LRRTM4: variants seen among roughly 807,000 people sequenced by gnomAD.
The protein encoded by LRRTM4 is leucine-rich repeat transmembrane neuronal protein 4.
Under a neutral mutation model 47.6 loss-of-function variants are expected in LRRTM4, and 25 were observed. The ratio of observed to expected loss-of-function variants is 0.53; its 90% CI spans 0.38 to 0.73. LRRTM4 has a LOEUF of 0.73. LRRTM4 is among the 30% of genes least tolerant of loss of function. LRRTM4 has a pLI of 0.00. For missense variants in LRRTM4, 638 were observed against 713.4 expected, an observed-to-expected ratio of 0.89 and a Z score of 1.20; for synonymous variants, 311 against 269.5, an observed-to-expected ratio of 1.15 and a Z score of -1.51.
intron 3 of LRRTM4, among the ~76,000 whole-genome samples, chr2:76,987,206 T>C (rs1331816696): frequency 1.3e-5 from 2 of 151,928 alleles, no homozygotes; most frequent in East Asian, 1.9e-4. Context: ...GTATTGTTTC[T>C]TTTTATAACC....
intron 3 of LRRTM4, among the ~76,000 whole-genome samples, chr2:77,305,200 C>T (rs1677239766): frequency 6.6e-6 from 1 of 151,944 alleles, no homozygotes; most frequent in Non-Finnish European, 1.5e-5. Flanking sequence ...AACACCAAAA[C>T]ATCAATTATC....
rs1212630201 is a variant in LRRTM4 at position 76,884,127 on chromosome 2, T to C, written c.1552-135211A>G. ...AGCCAGGAAATGTGATTTTTAAAAGTGTCTTTGAATCCTATTGTTGAGCAT... is the reference window on the plus strand; with the variant it reads ...AGCCAGGAAATGTGATTTTTAAAAGCGTCTTTGAATCCTATTGTTGAGCAT... On this transcript the variant is annotated intron_variant, in intron 3 of 3. Transcript: ENST00000409884. Among the ~76,000 whole-genome samples, 4 of 152,132 alleles carry C rather than the reference T, an allele frequency of 2.6e-5. No homozygotes were observed. The East Asian group carries it at 7.7e-4, about 29-fold the overall frequency.
At chr2:76,803,886 A>G (rs550311794) in intron 3 of LRRTM4, among the ~76,000 whole-genome samples, 7 of 152,284 alleles carry the variant, frequency 4.6e-5, no homozygotes, top group East Asian at 1.9e-4. Flanking sequence ...TGAAATTTGA[A>G]TATGTGCTGG....
chr2:77,301,117 A>G (rs1474950845), intron 3 of LRRTM4, among the ~76,000 whole-genome samples: 1 of 152,084 alleles, frequency 6.6e-6, no homozygotes, highest in African/African-American at 2.4e-5. Context: ...ATCATAGAAA[A>G]ATACATTTTA....
At chr2:77,189,174 A>C (rs941681110) in intron 3 of LRRTM4, among the ~76,000 whole-genome samples, 3 of 152,214 alleles carry the variant, frequency 2.0e-5, no homozygotes, top group Non-Finnish European at 4.4e-5. Flanking sequence ...AGTAAAACCT[A>C]CCAAGCTCTC....
chr2:77,021,367 A>G (rs1304294964), intron 3 of LRRTM4, among the ~76,000 whole-genome samples: 1 of 152,132 alleles, frequency 6.6e-6, no homozygotes, highest in African/African-American at 2.4e-5. Context: ...CACCAGGATT[A>G]AGTGTTACAT....
chr2:77,344,258 A>T (rs1436240174), intron 3 of LRRTM4, among the ~76,000 whole-genome samples: 2 of 151,908 alleles, frequency 1.3e-5, no homozygotes, highest in African/African-American at 2.4e-5. Flanking sequence ...TAATTCTGAG[A>T]TGGTACAGGT....
chr2:77,368,465 T>C (rs1363690359), intron 3 of LRRTM4, among the ~76,000 whole-genome samples: 3 of 151,752 alleles, frequency 2.0e-5, no homozygotes, highest in Non-Finnish European at 2.9e-5. Context: ...AAAAGCTAGC[T>C]TGATTAGCCT....
At chr2:77,260,509 A>G (rs917058556) in intron 3 of LRRTM4, among the ~76,000 whole-genome samples, 1 of 151,882 alleles carries the variant, frequency 6.6e-6, no homozygotes, top group Non-Finnish European at 1.5e-5. Context: ...ACCACTCCTT[A>G]CCACAAGTTA....
intron 3 of LRRTM4, among the ~76,000 whole-genome samples, chr2:76,861,199 C>T (rs1672301827): frequency 1.3e-5 from 2 of 152,144 alleles, no homozygotes; most frequent in African/African-American, 2.4e-5. Context: ...CCCTACCAAT[C>T]TTAATAATCC....
At chr2:77,296,632 A>G (rs947521358) in intron 3 of LRRTM4, among the ~76,000 whole-genome samples, 12 of 152,222 alleles carry the variant, frequency 7.9e-5, no homozygotes, top group East Asian at 3.8e-4. Flanking sequence ...TAAACAAGGT[A>G]TAATTGGATT....
intron 3 of LRRTM4, among the ~76,000 whole-genome samples, chr2:76,808,018 TTCCTTCC>T (rs1167951162): frequency 6.7e-6 from 1 of 150,310 alleles, no homozygotes; most frequent in African/African-American, 2.5e-5. Context: ...CTCTCCTTCC[TTCCTTCC>T]TCTTTTCTTT....
rs527551711 is a variant in LRRTM4 at position 77,450,403 on chromosome 2, T to A, written c.1551+67915A>T. On this transcript the variant is annotated intron_variant, in intron 3 of 3. Transcript: ENST00000409884. Reference sequence around the variant, plus strand: ...CACATGCTATTAACATTAGCCAAGATATATACTTGAAATCCATTAGTCTCC... The same window carrying A: ...CACATGCTATTAACATTAGCCAAGAAATATACTTGAAATCCATTAGTCTCC... Among the ~76,000 whole-genome samples, 408 of 152,164 alleles carry A rather than the reference T, an allele frequency of 2.7e-3. 2 individuals are homozygous for A. The highest frequency in any genetic ancestry group is 5.0e-3 in the Admixed American group (77 of 15,260).
intron 3 of LRRTM4, among the ~76,000 whole-genome samples, chr2:76,789,226 T>C (rs1337014301): frequency 2.0e-5 from 3 of 152,170 alleles, no homozygotes; most frequent in African/African-American, 7.2e-5. Flanking sequence ...AGGCACCTTA[T>C]GTGCTAGCAG....
intron 3 of LRRTM4, among the ~76,000 whole-genome samples, chr2:77,005,329 G>A (rs182817376): frequency 7.9e-5 from 12 of 152,238 alleles, no homozygotes; most frequent in Admixed American, 7.2e-4. Context: ...AATTTTAGTA[G>A]AGACAGGGTT....
intron 3 of LRRTM4, among the ~76,000 whole-genome samples, chr2:77,074,251 G>C (rs1335639277): frequency 6.6e-6 from 1 of 152,132 alleles, no homozygotes; most frequent in African/African-American, 2.4e-5. Context: ...ACCAGCCTTT[G>C]CTAACAGTGT....
At chr2:77,088,622 C>T (rs1225001473) in intron 3 of LRRTM4, among the ~76,000 whole-genome samples, 3 of 152,156 alleles carry the variant, frequency 2.0e-5, no homozygotes, top group African/African-American at 7.2e-5. Context: ...AATAAACAGC[C>T]ATGTTGCTCA....
intron 3 of LRRTM4, among the ~76,000 whole-genome samples, chr2:76,850,544 GAT>G (rs1457085049): frequency 2.0e-5 from 3 of 152,154 alleles, no homozygotes; most frequent in Non-Finnish European, 4.4e-5. Context: ...GAGATTAAAT[GAT>G]ATGTTTAAGC....
chr2:77,089,427 G>A (rs561086134), intron 3 of LRRTM4, among the ~76,000 whole-genome samples: 162 of 146,402 alleles, frequency 1.1e-3, no homozygotes, highest in Non-Finnish European at 1.7e-3. Context: ...CCTTATTTCC[G>A]CGCCCCAACC....
Sources: gnomAD v4.1 joint callset for allele counts (sites outside exome capture counted in the v4.1 genomes callset) on GRCh38, gnomAD v4.1.1 for gene constraint, MANE v1.5 for transcripts, NCBI Gene and HGNC (gene_info 2026-07-23, HGNC 2026-07-21) for gene names.